GRINA: variants seen among roughly 807,000 people sequenced by gnomAD.
GRINA encodes protein lifeguard 1.
In GRINA, 26 loss-of-function variants were observed where a neutral mutation model predicts 42.5. The observed-to-expected ratio is 0.61, with a 90% CI of 0.45 to 0.85. The LOEUF is 0.85. Ranked by LOEUF, GRINA falls within the 40% of genes least tolerant of loss-of-function variation. GRINA has a pLI of 0.00. For missense variants in GRINA, 475 were observed against 481.5 expected (o/e 0.99, Z 0.13); for synonymous variants, 256 against 204.2 (o/e 1.25, Z -2.17).
At position 143,992,944 on chromosome 8, in the gene GRINA, G is replaced by A; in HGVS notation, c.*103G>A. 1 of 975,890 alleles carries A rather than the reference G, an allele frequency of 1.0e-6. No individual in the cohort carries two copies. The highest frequency in any genetic ancestry group is 2.3e-5 in the Admixed American group (1 of 42,906). The allele number at this position is 975,890 out of a possible 1,614,324, so 60.5% of individuals were successfully genotyped here. On this transcript the variant is annotated 3_prime_UTR_variant, in exon 7 of 7. Coordinates refer to ENST00000395068, the MANE Select transcript of GRINA (RefSeq NM_001009184.2). ...TACTTCCCCTCTCTCTTGTCCCCAG[G>A]CACAGCCTAGGGAAAAGGATGCCTC...
In GRINA at chr8:143,991,350, C is replaced by G. The variant is rs782099050; in HGVS notation, c.127C>G (p.Pro43Ala). The G allele has an allele frequency of 1.7e-5, 22 of 1,327,034 alleles. No homozygotes were observed. Among genetic ancestry groups the G allele is most frequent in the Non-Finnish European group, 1.2e-5 (12 of 967,684 alleles). The allele number at this position is 1,327,034 out of a possible 1,614,324, so 82.2% of individuals were successfully genotyped here. A position where few individuals can be genotyped will look rare whatever the true frequency, so the allele number is the denominator to read the frequency against. Residue 43 changes from proline to alanine, a missense_variant, in exon 2 of 7, where the codon CCA (proline) becomes GCA (alanine). By Grantham distance (27) the Pro-to-Ala change is conservative. This residue lies in a region of GRINA where 321 missense variants were observed against 267.2 expected (regional missense o/e 1.20). Transcript: ENST00000395068. ...AQPPYPGAPY[P>A]QPPFQPSPYG... The stretch of plus-strand genomic sequence containing the variant: ...GCCTCCCTACCCTGGGGCCCCTTAC[C>G]CACAGCCCCCTTTCCAGCCCTCCCC...
At position 143,991,895 on chromosome 8, in the gene GRINA, C is replaced by T. The variant is rs781951011; in HGVS notation, c.510C>T (p.Thr170=). The T allele has an allele frequency of 6.2e-7, 1 of 1,611,732 alleles. No homozygotes were observed. The highest frequency in any genetic ancestry group is 1.3e-5 in the African/African-American group (1 of 74,890). The change falls in exon 4 of 7, where the codon ACC becomes ACT. Residue 170 remains threonine (T), a synonymous_variant. Transcript: ENST00000395068. The stretch of plus-strand genomic sequence containing the variant: ...TTCCCCAGGTGTTCCTAGTGCTGAC[C>T]TTGCAGCTGTCGGTGACCCTGTCCA... ...AFIRKVFLVL[T]LQLSVTLSTV...
In GRINA at chr8:143,992,605, C is replaced by T. The variant is rs139690086; in HGVS notation, c.963C>T (p.Thr321=). The change falls in exon 6 of 7, where the codon ACC becomes ACT. Residue 321 remains threonine (T), a synonymous_variant. Coordinates refer to ENST00000395068, the MANE Select transcript of GRINA (RefSeq NM_001009184.2). ...VYASLGALLF[T]CFLAVDTQLL... ...CCTCACTGGGCGCTCTGCTCTTCAC[C>T]TGCGTGAGTGAGGGGTGACCTTGGC... The T allele has an allele frequency of 8.7e-6, 14 of 1,614,134 alleles. No individual in the cohort carries two copies. The highest frequency in any genetic ancestry group is 1.7e-6 in the Non-Finnish European group (2 of 1,180,014).
chr8:143,990,408 G>T lies in GRINA; in HGVS notation c.-25+209G>T, dbSNP rs1834071240. 6.6e-6 allele frequency: 1 copy of T among 151,706 alleles called. No homozygotes were observed. The highest frequency in any genetic ancestry group is 2.0e-4 in the South Asian group (1 of 4,998). 9.4% of individuals were successfully genotyped at this position (151,706 alleles called of 1,614,324 possible). ...AGCCGCGGCGGCCTGGAGCCGGAGG[G>T]AGGGGGCGGCGCGCTGCGGCGACTG... On this transcript the variant is annotated intron_variant, in intron 1 of 6. Coordinates refer to ENST00000395068, the MANE Select transcript of GRINA (RefSeq NM_001009184.2). This position sits in a 1 kb window ranked among gnomAD's most constrained non-coding sequence, Gnocchi z 5.6.
chr8:143,991,168 C>T (rs1834085993), intron 1 of GRINA, 32 bp from the exon 2 acceptor site: 17 of 1,303,886 alleles, frequency 1.3e-5, no homozygotes, highest in Non-Finnish European at 1.8e-5. Flanking sequence ...GTCAAGCCAA[C>T]TGTTCCACTG....
At position 143,991,810 on chromosome 8, in the gene GRINA, T is replaced by C. The variant is rs1368743165; in HGVS notation, c.492+6T>C. On this transcript the variant is annotated splice_donor_region_variant and intron_variant, in intron 3 of 6. Coordinates refer to ENST00000395068, the MANE Select transcript of GRINA (RefSeq NM_001009184.2). ...GACAGGCCTTCATCCGCAAGGTGGG[T>C]AGGGGCATCTCCAAGGCGGTGGGGG... The C allele has an allele frequency of 1.2e-6, 2 of 1,609,908 alleles. No individual in the cohort carries two copies. The highest frequency in any genetic ancestry group is 1.3e-5 in the African/African-American group (1 of 74,808).
In GRINA at chr8:143,992,919, T is replaced by C; in HGVS notation, c.*78T>C. 1.6e-6 allele frequency: 2 copies of C among 1,254,916 alleles called. No individual in the cohort carries two copies. The highest frequency in any genetic ancestry group is 2.4e-5 in the East Asian group (1 of 41,228). The allele number at this position is 1,254,916 out of a possible 1,614,324, so 77.7% of individuals were successfully genotyped here. On this transcript the variant is annotated 3_prime_UTR_variant, in exon 7 of 7. Coordinates refer to ENST00000395068, the MANE Select transcript of GRINA (RefSeq NM_001009184.2). ...GCCCCTGGCACGGCAGTGCCAGCTG[T>C]ACTTCCCCTCTCTCTTGTCCCCAGG...
rs1471437445 is a variant in GRINA at position 143,993,261 on chromosome 8, C to T, written c.*420C>T. On this transcript the variant is annotated 3_prime_UTR_variant, in exon 7 of 7. Coordinates refer to ENST00000395068, the MANE Select transcript of GRINA (RefSeq NM_001009184.2). Reference sequence around the variant, plus strand: ...AGCACCCCTCCCCTCCCCCCCACCCCCCTGGAGTGCTGCCCTCTGGGGACA... The same window carrying T: ...AGCACCCCTCCCCTCCCCCCCACCCTCCTGGAGTGCTGCCCTCTGGGGACA... 1 of 237,338 alleles carries T rather than the reference C, an allele frequency of 4.2e-6. No homozygotes were observed. The highest frequency in any genetic ancestry group is 2.2e-5 in the African/African-American group (1 of 44,554). The allele number at this position is 237,338 out of a possible 1,614,324, so 14.7% of individuals were successfully genotyped here.
chr8:143,992,139 C>A, intron 4 of GRINA, 61 bp downstream of exon 4: 1 of 1,602,298 alleles, frequency 6.2e-7, no homozygotes, highest in Non-Finnish European at 8.5e-7. Flanking sequence ...CACGCCCACT[C>A]TTCCGGGCCT....
Position 143,992,482 on chromosome 8 carries a change from C to A in GRINA, c.840C>A (p.Thr280=). 6.2e-7 allele frequency: 1 copy of A among 1,614,162 alleles called. No homozygotes were observed. The highest frequency in any genetic ancestry group is 1.1e-5 in the South Asian group (1 of 91,092). ...IFSMQTRYDF[T]SCMGVLLVSM... is the part of the protein sequence containing the mutation. ...ACCTGCAGACCCGCTACGACTTCAC[C>A]TCATGCATGGGCGTGCTCCTGGTGA... Residue 280 remains threonine (T), a synonymous_variant, in exon 6 of 7, where the codon ACC becomes ACA. Coordinates refer to ENST00000395068, the MANE Select transcript of GRINA (RefSeq NM_001009184.2).
In GRINA at chr8:143,992,764, G is replaced by A. The variant is rs1554750810; in HGVS notation, c.1039G>A (p.Ala347Thr). 6.2e-7 allele frequency: 1 copy of A among 1,613,952 alleles called. No individual in the cohort carries two copies. Among genetic ancestry groups the A allele is most frequent in the Non-Finnish European group, 8.5e-7 (1 of 1,179,900 alleles). The stretch of plus-strand genomic sequence containing the variant: ...CCTGAGCCCAGAAGAGTATGTGTTT[G>A]CTGCGCTGAACCTGTACACAGACAT... ...LSLSPEEYVF[A>T]ALNLYTDIIN... is the part of the protein sequence containing the mutation. Residue 347 changes from alanine to threonine, a missense_variant, in exon 7 of 7, where the codon GCT becomes ACT. Physicochemically the swap from Ala to Thr is moderately conservative, Grantham distance 58 (BLOSUM62 0). Around this residue, in one of 2 missense-constraint regions of GRINA, gnomAD observed 154 missense variants for 214.2 expected, o/e 0.72. Coordinates refer to ENST00000395068, the MANE Select transcript of GRINA (RefSeq NM_001009184.2).
chr8:143,991,052 C>T (rs1834084439), intron 1 of GRINA, 148 bp from the exon 2 acceptor site: 1 of 490,338 alleles, frequency 2.0e-6, no homozygotes, highest in Non-Finnish European at 3.6e-6. Flanking sequence ...CGGGCCCAGG[C>T]TCCGGGGCTC....
In GRINA at chr8:143,992,098, C is replaced by T. The variant is rs1834108350; in HGVS notation, c.693+20C>T. The T allele has an allele frequency of 1.2e-6, 2 of 1,611,484 alleles. No homozygotes were observed. Among genetic ancestry groups the T allele is most frequent in the African/African-American group, 2.7e-5 (2 of 74,836 alleles). On this transcript the variant is annotated intron_variant, in intron 4 of 6. Coordinates refer to ENST00000395068, the MANE Select transcript of GRINA (RefSeq NM_001009184.2). ...GCACTGGTAACCCCCAAACCTGAGC[C>T]TCTGTGCCTGGGTCCGGCCATGCAG...
In GRINA at chr8:143,992,236, C is replaced by G. The variant is rs1554750661; in HGVS notation, c.694-9C>G. The G allele has an allele frequency of 1.2e-6, 2 of 1,604,050 alleles. No homozygotes were observed. Among genetic ancestry groups the G allele is most frequent in the South Asian group, 1.1e-5 (1 of 89,636 alleles). On this transcript the variant is annotated splice_polypyrimidine_tract_variant and intron_variant, in intron 4 of 6. Transcript: ENST00000395068. ...ACACCCAAGGTCAGCCTGTGTCTCC[C>G]AACTGCAGTCGGTCCTGACCGCCAG... is the stretch of plus-strand genomic sequence containing the variant.
rs1449427830 is a variant in GRINA at position 143,992,564 on chromosome 8, C to T, written c.922C>T (p.Leu308=). The T allele has an allele frequency of 6.8e-6, 11 of 1,614,084 alleles. No individual in the cohort carries two copies. The highest frequency in any genetic ancestry group is 1.3e-5 in the African/African-American group (1 of 74,950). Reference sequence around the variant, plus strand: ...CTGCATCTTCATCCGGAACCGCATCCTGGAGATCGTGTACGCCTCACTGGG... The same window carrying T: ...CTGCATCTTCATCCGGAACCGCATCTTGGAGATCGTGTACGCCTCACTGGG... ...ILCIFIRNRI[L]EIVYASLGAL... is the part of the protein sequence containing the mutation. Residue 308 remains leucine (L), a synonymous_variant, in exon 6 of 7, where the codon CTG becomes TTG. Transcript: ENST00000395068.
rs1191865365 is a variant in GRINA at position 143,990,164 on chromosome 8, A to C, written c.-60A>C. 6.7e-6 allele frequency: 1 copy of C among 150,248 alleles called. No individual in the cohort carries two copies. Among genetic ancestry groups the C allele is most frequent in the Non-Finnish European group, 1.5e-5 (1 of 67,368 alleles). 9.3% of individuals were successfully genotyped at this position (150,248 alleles called of 1,614,324 possible). On this transcript the variant is annotated 5_prime_UTR_variant, in exon 1 of 7. Coordinates refer to ENST00000395068, the MANE Select transcript of GRINA (RefSeq NM_001009184.2). This position sits in a 1 kb window ranked among gnomAD's most constrained non-coding sequence, Gnocchi z 5.6. ...CCATCACCGCGCGGCCGCGCAGCGGACACCGTGCGTACCGGCCTGCGGCGC... is the reference window on the plus strand; with the variant it reads ...CCATCACCGCGCGGCCGCGCAGCGGCCACCGTGCGTACCGGCCTGCGGCGC...
chr8:143,991,003 G>A (rs2133062392), intron 1 of GRINA, 197 bp from the exon 2 acceptor site: 2 of 392,768 alleles, frequency 5.1e-6, no homozygotes, highest in South Asian at 5.0e-5. Context: ...CCCTGGGAAG[G>A]CCCCACGGCG....
rs1554750383 is a variant in GRINA, at chr8:143,991,273, C to A, written c.50C>A (p.Pro17His). Residue 17 changes from proline to histidine, a missense_variant, in exon 2 of 7, where the codon CCC (proline) becomes CAC (histidine). Physicochemically the swap from Pro to His is moderately conservative, Grantham distance 77 (BLOSUM62 -2). Around this residue, in one of 2 missense-constraint regions of GRINA, gnomAD observed 321 missense variants for 267.2 expected, o/e 1.20. Coordinates refer to ENST00000395068, the MANE Select transcript of GRINA (RefSeq NM_001009184.2). ...GTGTCTGGGGACAACTATCCTCCCC[C>A]CAACCCTGGATATCCGGGGGGGCCC... is the stretch of plus-strand genomic sequence containing the variant. ...FLVSGDNYPPPNPGYPGGPQP... is the reference protein window; with the variant it reads ...FLVSGDNYPPHNPGYPGGPQP... 2 of 1,544,958 alleles carry A rather than the reference C, an allele frequency of 1.3e-6. No individual in the cohort carries two copies. Among genetic ancestry groups the A allele is most frequent in the African/African-American group, 1.4e-5 (1 of 72,262 alleles).
chr8:143,992,131 C>A (rs756808596), intron 4 of GRINA, 53 bp downstream of exon 4: 1 of 1,599,628 alleles, frequency 6.3e-7, no homozygotes, highest in Non-Finnish European at 8.6e-7. Flanking sequence ...CAGTCCCACA[C>A]GCCCACTCTT....
Sources: allele counts gnomAD v4.1 joint callset, GRCh38; gene constraint gnomAD v4.1.1; regional missense constraint gnomAD v4.1.1; non-coding constraint Gnocchi (gnomAD v3.1); transcripts MANE v1.5; gene names NCBI Gene and HGNC (gene_info 2026-07-23, HGNC 2026-07-21).